The following NEU3 variants were observed in gnomAD, a reference collection of about 807,000 sequenced individuals.
The protein encoded by NEU3 is sialidase-3.
In NEU3, 10 loss-of-function variants were observed where a neutral mutation model predicts 11.4. The ratio of observed to expected loss-of-function variants is 0.88; its 90% confidence interval spans 0.54 to 1.49. The LOEUF is 1.49. Ranked by LOEUF, NEU3 falls within the 40% of genes most tolerant of loss-of-function variation. The pLI is 0.00. For synonymous variants in NEU3, 212 were observed against 228.2 expected (o/e 0.93, Z 0.64); for missense variants, 529 against 581.8 (o/e 0.91, Z 0.93).
chr11:75,018,255 C>T (rs1489319426), intron 3 of NEU3, among the ~76,000 whole-genome samples: 1 of 152,080 alleles, frequency 6.6e-6, no homozygotes, highest in Non-Finnish European at 1.5e-5. Flanking sequence ...TTCTCCCCCT[C>T]CCTGCCTTCT....
upstream of NEU3, chr11:74,988,735 G>A (rs1948694170): frequency 7.6e-6 from 3 of 395,810 alleles, no homozygotes; most frequent in African/African-American, 6.5e-5. Context: ...GGTGGGCCCA[G>A]GGCTTGAGCT....
At chr11:74,981,202 C>G in the NEU3 span, among the ~76,000 whole-genome samples, 1 of 152,168 alleles carries the variant, frequency 6.6e-6, no homozygotes, top group African/African-American at 2.4e-5. Flanking sequence ...AGGGATTTCT[C>G]TGTGACAAAC....
intron 1 of NEU3, among the ~76,000 whole-genome samples, chr11:74,992,822 T>A (rs1479446929): frequency 6.6e-6 from 1 of 152,128 alleles, no homozygotes; most frequent in Non-Finnish European, 1.5e-5. Context: ...TAGCTGGGCG[T>A]GCTGGCGGGC....
At chr11:75,002,078 C>T (rs753338572) in intron 2 of NEU3, among the ~76,000 whole-genome samples, 2 of 152,146 alleles carry the variant, frequency 1.3e-5, no homozygotes, top group Non-Finnish European at 2.9e-5. Context: ...GTTTTTGAAA[C>T]AGGGTCTTGA....
intron 1 of NEU3, among the ~76,000 whole-genome samples, chr11:74,992,902 G>C (rs1007910812): frequency 6.6e-6 from 1 of 152,148 alleles, no homozygotes; most frequent in Non-Finnish European, 1.5e-5. Context: ...GGAGGTTGCA[G>C]TGAGCCGAGC....
the NEU3 span, among the ~76,000 whole-genome samples, chr11:74,982,048 A>G: frequency 6.6e-6 from 1 of 152,352 alleles, no homozygotes; most frequent in Admixed American, 6.5e-5. Flanking sequence ...TCATGGCTCC[A>G]GCTGAAAGGC....
downstream of NEU3, among the ~76,000 whole-genome samples, chr11:75,014,965 A>G (rs1029482487): frequency 6.6e-6 from 1 of 152,248 alleles, no homozygotes; most frequent in African/African-American, 2.4e-5. Context: ...CCTTTGGCAC[A>G]TAGAAGATGT....
chr11:74,981,383 G>C, the NEU3 span, among the ~76,000 whole-genome samples: 1 of 152,186 alleles, frequency 6.6e-6, no homozygotes, highest in Admixed American at 6.5e-5. Flanking sequence ...GTGAATGTAA[G>C]ACTGACCATT....
chr11:74,990,064 C>A (rs774507544), intron 1 of NEU3: 2 of 700,636 alleles, frequency 2.9e-6, no homozygotes, highest in Non-Finnish European at 5.2e-6. Flanking sequence ...ATTAATGGCT[C>A]TAATTGTTAT....
chr11:75,016,177 A>G (rs567712311), intron 3 of NEU3, among the ~76,000 whole-genome samples: 28 of 152,328 alleles, frequency 1.8e-4, no homozygotes, highest in Middle Eastern at 6.8e-3. Flanking sequence ...ATGAGATTCA[A>G]GGGTGAAAAC....
chr11:74,984,213 CACTG>C (rs908127780), upstream of NEU3, among the ~76,000 whole-genome samples: 5 of 152,164 alleles, frequency 3.3e-5, no homozygotes, highest in African/African-American at 1.2e-4. Context: ...CAAAGAGAGG[CACTG>C]ACTATCTTTG....
chr11:75,010,447 GAGA>G lies in NEU3; in HGVS notation c.*3958_*3960del, dbSNP rs1258643752. 6.6e-6 allele frequency: 1 copy of G among 152,204 alleles called. No individual in the cohort carries two copies. The highest frequency in any genetic ancestry group is 1.5e-5 in the Non-Finnish European group (1 of 68,062). The allele number at this position is 152,204 out of a possible 1,614,324, so 9.4% of individuals were successfully genotyped here. On this transcript the variant is annotated 3_prime_UTR_variant, in exon 3 of 3. Coordinates refer to ENST00000294064, the MANE Select transcript of NEU3 (RefSeq NM_006656.6). ...AGGCTAGGGGGAGTTCCGCTGTAGGGAGAAGGATGTTGCATCCCTTTGTAGATT... is the reference window on the plus strand; with the variant it reads ...AGGCTAGGGGGAGTTCCGCTGTAGGGAGGATGTTGCATCCCTTTGTAGATT...
intron 3 of NEU3, among the ~76,000 whole-genome samples, chr11:75,017,243 T>C (rs143758448): frequency 6.6e-6 from 1 of 152,292 alleles, no homozygotes; most frequent in African/African-American, 2.4e-5. Context: ...ATAGGTCTTA[T>C]ACTAGGCCCA....
intron 2 of NEU3, among the ~76,000 whole-genome samples, chr11:75,005,017 C>T (rs1325858949): frequency 2.0e-5 from 3 of 151,588 alleles, no homozygotes; most frequent in Non-Finnish European, 4.4e-5. Flanking sequence ...ATAGTATAAG[C>T]CCTGAAAAGG....
At position 75,008,530 on chromosome 11, in the gene NEU3, G is replaced by T. The variant is rs143975714; in HGVS notation, c.*2038G>T. ...GCCAAGTCGTACAACCAGGGCTAAA[G>T]GATGAAAAGAATGAGAATATCAACT... On this transcript the variant is annotated 3_prime_UTR_variant, in exon 3 of 3. Coordinates refer to ENST00000294064, the MANE Select transcript of NEU3 (RefSeq NM_006656.6). 9 of 150,732 alleles carry T rather than the reference G, an allele frequency of 6.0e-5. No individual in the cohort carries two copies. The highest frequency in any genetic ancestry group is 2.2e-4 in the African/African-American group (9 of 40,896). The allele number at this position is 150,732 out of a possible 1,614,324, so 9.3% of individuals were successfully genotyped here.
intron 1 of NEU3, among the ~76,000 whole-genome samples, chr11:74,990,893 CATT>C (rs1445431587): frequency 1.3e-5 from 2 of 152,164 alleles, no homozygotes; most frequent in African/African-American, 4.8e-5. Flanking sequence ...TTATTATTGT[CATT>C]GTTATCCACA....
At chr11:75,003,617 C>G (rs367792732) in intron 2 of NEU3, among the ~76,000 whole-genome samples, 2 of 152,108 alleles carry the variant, frequency 1.3e-5, no homozygotes, top group African/African-American at 4.8e-5. Context: ...AGGCCAGGCT[C>G]GGTGGCTCAC....
upstream of NEU3, among the ~76,000 whole-genome samples, chr11:74,985,223 CA>C (rs1488354734): frequency 6.6e-6 from 1 of 152,074 alleles, no homozygotes; most frequent in Non-Finnish European, 1.5e-5. Context: ...ATATTTCAGA[CA>C]AATAAGGCTT....
chr11:75,006,436 C>T lies in NEU3; in HGVS notation c.1330C>T (p.Leu444=), dbSNP rs1159088762. 6.2e-7 allele frequency: 1 copy of T among 1,613,784 alleles called. No homozygotes were observed. The highest frequency in any genetic ancestry group is 1.7e-5 in the Admixed American group (1 of 59,996). ...TACACACCGGGAGATCCTGAGTCAC[C>T]TGCAGGGGGACTGCACCAGCCCTGG... is the stretch of plus-strand genomic sequence containing the variant. ...LFTHREILSH[L]QGDCTSPGRN... Residue 444 remains leucine, a synonymous_variant, in exon 3 of 3, where the codon CTG becomes TTG. Transcript: ENST00000294064.
Sources: gnomAD v4.1 joint callset for allele counts (sites outside exome capture counted in the v4.1 genomes callset) on GRCh38, gnomAD v4.1.1 for gene constraint, MANE v1.5 for transcripts, NCBI Gene and HGNC (gene_info 2026-07-23, HGNC 2026-07-21) for gene names.